Variants in PTPRD observed in about 807,000 individuals in gnomAD.
The protein encoded by PTPRD is protein tyrosine phosphatase receptor type D, also known as receptor-type tyrosine-protein phosphatase delta.
In PTPRD, 34 loss-of-function variants were observed where a neutral mutation model predicts 214.5. That is an observed-to-expected ratio of 0.16 (90% CI 0.12 to 0.21). The LOEUF is 0.21. Ranked by LOEUF, PTPRD falls within the 10% of genes least tolerant of loss-of-function variation. The pLI is 1.00. For missense variants in PTPRD, 2,545 were observed against 2,398.7 expected (o/e 1.06, Z -1.27); for synonymous variants, 1,128 against 845.7 (o/e 1.33, Z -5.79).
chr9:8,596,599 T>C (rs2094490780), intron 14 of PTPRD, among the ~76,000 whole-genome samples: 1 of 152,046 alleles, frequency 6.6e-6, no homozygotes, highest in Non-Finnish European at 1.5e-5. Context: ...TTCAATATTA[T>C]CATTTGGCCA....
chr9:8,819,402 C>G, intron 11 of PTPRD, among the ~76,000 whole-genome samples: 1 of 152,234 alleles, frequency 6.6e-6, no homozygotes, highest in Non-Finnish European at 1.5e-5. Flanking sequence ...GTGGCTCACA[C>G]CTGTAATCCC....
chr9:8,562,306 A>G (rs1352049109), intron 14 of PTPRD, among the ~76,000 whole-genome samples: 1 of 152,180 alleles, frequency 6.6e-6, no homozygotes, highest in Non-Finnish European at 1.5e-5. Flanking sequence ...TCTATATTCT[A>G]TAAAGTACAT....
At chr9:8,609,414 T>A (rs540200741) in intron 14 of PTPRD, among the ~76,000 whole-genome samples, 1 of 152,244 alleles carries the variant, frequency 6.6e-6, no homozygotes, top group African/African-American at 2.4e-5. Flanking sequence ...CTTACCTTTA[T>A]TTTAGATTGA....
chr9:9,299,825 G>A (rs1569567175), intron 9 of PTPRD, among the ~76,000 whole-genome samples: 1 of 151,114 alleles, frequency 6.6e-6, no homozygotes, highest in East Asian at 2.0e-4. Context: ...GTGGGATGAG[G>A]GAAACCAAAG....
At chr9:9,749,862 A>C (rs181706493) in intron 6 of PTPRD, among the ~76,000 whole-genome samples, 1 of 152,184 alleles carries the variant, frequency 6.6e-6, no homozygotes, top group Non-Finnish European at 1.5e-5. Context: ...AAAGAAAATA[A>C]GTTTCATAAG....
At chr9:9,826,410 A>G (rs1403721906) in intron 5 of PTPRD, among the ~76,000 whole-genome samples, 2 of 151,930 alleles carry the variant, frequency 1.3e-5, no homozygotes, top group African/African-American at 2.4e-5. Flanking sequence ...AAAAAATACA[A>G]TTTTGAAGTA....
At chr9:9,350,039 G>A (rs2050502643) in intron 9 of PTPRD, among the ~76,000 whole-genome samples, 1 of 152,014 alleles carries the variant, frequency 6.6e-6, no homozygotes, top group South Asian at 2.1e-4. Context: ...TTATGCAAAT[G>A]CTTGAAGAGG....
intron 3 of PTPRD, among the ~76,000 whole-genome samples, chr9:10,141,052 C>G (rs1022689715): frequency 6.6e-6 from 1 of 152,212 alleles, no homozygotes; most frequent in East Asian, 1.9e-4. Flanking sequence ...TTCAACAACC[C>G]TTCATGCTAA....
chr9:9,935,950 C>T (rs200032597), intron 5 of PTPRD, among the ~76,000 whole-genome samples: 14 of 149,732 alleles, frequency 9.4e-5, no homozygotes, highest in African/African-American at 3.3e-4. Flanking sequence ...TGATCTTTGA[C>T]AAACCTGACC....
intron 8 of PTPRD, among the ~76,000 whole-genome samples, chr9:9,562,884 C>T (rs1431666926): frequency 6.6e-6 from 1 of 152,132 alleles, no homozygotes; most frequent in Non-Finnish European, 1.5e-5. Flanking sequence ...CACCATCTCT[C>T]CACACTGGAA....
At chr9:8,331,532 T>C in intron 44 of PTPRD, 50 bp downstream of exon 44, 1 of 1,517,670 alleles carries the variant, frequency 6.6e-7, no homozygotes, top group Non-Finnish European at 8.9e-7. Context: ...ATACAGACAA[T>C]GAAGAAACAC....
chr9:8,770,993 T>C (rs7020436), intron 11 of PTPRD, among the ~76,000 whole-genome samples: 6,940 of 151,768 alleles, frequency 0.046, 397 homozygotes, highest in African/African-American at 0.13. Flanking sequence ...TCCTGGCTAA[T>C]ACGGTGAAAC....
intron 9 of PTPRD, among the ~76,000 whole-genome samples, chr9:9,248,244 C>G (rs576165044): frequency 6.6e-6 from 1 of 151,860 alleles, no homozygotes; most frequent in Non-Finnish European, 1.5e-5. Flanking sequence ...AGGCGCCCAC[C>G]ACAATACTTG....
intron 2 of PTPRD, among the ~76,000 whole-genome samples, chr9:10,358,856 G>T (rs1292091892): frequency 6.6e-6 from 1 of 151,828 alleles, no homozygotes; most frequent in Non-Finnish European, 1.5e-5. Context: ...GTATTATGTT[G>T]TATATTGTTT....
intron 4 of PTPRD, among the ~76,000 whole-genome samples, chr9:9,965,506 G>C (rs1458318009): frequency 6.6e-6 from 1 of 152,122 alleles, no homozygotes; most frequent in African/African-American, 2.4e-5. Context: ...GTAGACAGCA[G>C]GTCAGTTCAA....
At chr9:9,508,536 G>A (rs1476973306) in intron 8 of PTPRD, among the ~76,000 whole-genome samples, 1 of 151,590 alleles carries the variant, frequency 6.6e-6, no homozygotes, top group Non-Finnish European at 1.5e-5. Context: ...GCTTGCTAAT[G>A]TTTAAACTTA....
At chr9:9,156,472 A>T (rs1339611368) in intron 10 of PTPRD, among the ~76,000 whole-genome samples, 1 of 151,472 alleles carries the variant, frequency 6.6e-6, no homozygotes, top group Non-Finnish European at 1.5e-5. Context: ...ATATAAGTAT[A>T]TATTAATTAA....
chr9:9,779,863 C>T (rs930230726), intron 5 of PTPRD, among the ~76,000 whole-genome samples: 4 of 152,132 alleles, frequency 2.6e-5, no homozygotes, highest in African/African-American at 9.7e-5. Context: ...TCTCAAAAAA[C>T]TTAAAATAGA....
At position 9,461,704 on chromosome 9, in the gene PTPRD, G is replaced by C. The variant is rs147746480; in HGVS notation, c.-236-64222C>G. 3.3e-5 allele frequency among the ~76,000 whole-genome samples: 5 copies of C among 152,160 alleles called. No homozygotes were observed. In the East Asian group the frequency reaches 9.7e-4, roughly 29 times the overall value. ...AGAATTGTACAGCCTCACAAAAATT[G>C]TTCATAACCTCTATGTTAGGAATTT... On this transcript the variant is annotated intron_variant, in intron 8 of 45. Coordinates refer to ENST00000381196, the MANE Select transcript of PTPRD (RefSeq NM_002839.4).
Sources: allele counts gnomAD v4.1 joint callset (sites outside exome capture counted in the v4.1 genomes callset), GRCh38; gene constraint gnomAD v4.1.1; transcripts MANE v1.5; gene names NCBI Gene and HGNC (gene_info 2026-07-23, HGNC 2026-07-21).